Variants in DLG1 observed in about 807,000 individuals in gnomAD.
The protein encoded by DLG1 is disks large homolog 1.
In DLG1, 42 loss-of-function variants were observed where a neutral mutation model predicts 123.4. The observed-to-expected ratio is 0.34, with a 90% CI of 0.27 to 0.44. The LOEUF is 0.44. Ranked by LOEUF, DLG1 falls within the 20% of genes least tolerant of loss-of-function variation. DLG1 has a pLI of 1.00. For synonymous variants in DLG1, 317 were observed against 356.2 expected (o/e 0.89, Z 1.24); for missense variants, 942 against 1,082.6 (o/e 0.87, Z 1.82).
At chr3:197,069,112 G>T (rs1027676014) in intron 19 of DLG1, 107 bp downstream of exon 19, 1 of 614,990 alleles carries the variant, frequency 1.6e-6, no homozygotes, top group Non-Finnish European at 2.6e-6. Flanking sequence ...TTAAAATAAC[G>T]ATCATATAAC....
At position 197,240,594 on chromosome 3, in the gene DLG1, T is replaced by C. The variant is rs771246482; in HGVS notation, c.318+42085A>G. On this transcript the variant is annotated intron_variant, in intron 4 of 24. Coordinates refer to ENST00000667157, the MANE Select transcript of DLG1 (RefSeq NM_001366207.1). ...TGAGCTCTCTGACCAATATTCAAAG[T>C]AGTATTTTTAAGAAAACTCAGTGAT... Among the ~76,000 whole-genome samples the C allele has an allele frequency of 2.1e-4, 32 of 152,132 alleles. 1 individual carries two copies. The highest frequency in any genetic ancestry group is 6.6e-5 in the Admixed American group (1 of 15,264).
chr3:197,296,421 C>A lies in DLG1; in HGVS notation c.76G>T (p.Glu26Ter), dbSNP rs1369759761. The change falls in exon 3 of 25, where the codon GAA becomes TAA. Residue 26 changes from glutamate to a stop codon, truncating the protein, a stop_gained. Transcript: ENST00000667157. LOFTEE classifies it high-confidence loss of function. Reference sequence around the variant, plus strand: ...ATGGAACTTCTGAGCTGTCTGTCTTCAGTTTGGCTTAGTTTTGAACGATAT... The same window carrying A: ...ATGGAACTTCTGAGCTGTCTGTCTTAAGTTTGGCTTAGTTTTGAACGATAT... The part of the protein sequence containing the change: ...EEYRSKLSQT[E>*]DRQLRSSIER... The A allele has an allele frequency of 6.2e-7, 1 of 1,613,434 alleles. No homozygotes were observed. The highest frequency in any genetic ancestry group is 8.5e-7 in the Non-Finnish European group (1 of 1,179,558).
chr3:197,126,762 T>C (rs991348094), intron 11 of DLG1, among the ~76,000 whole-genome samples: 2 of 152,190 alleles, frequency 1.3e-5, no homozygotes, highest in African/African-American at 4.8e-5. Context: ...AAGGAAATAA[T>C]TCAATTATAC....
At chr3:197,257,644 AAAGAAAGACATGATCCTATTAC>A (rs1757448771) in intron 4 of DLG1, among the ~76,000 whole-genome samples, 1 of 152,158 alleles carries the variant, frequency 6.6e-6, no homozygotes, top group African/African-American at 2.4e-5. Flanking sequence ...ACCTGAACTT[AAAGAAAGACATGATCCTATTAC>A]AAGAAATTCT....
chr3:197,283,954 T>C (rs941478376), intron 3 of DLG1, among the ~76,000 whole-genome samples: 1 of 148,142 alleles, frequency 6.8e-6, no homozygotes, highest in Non-Finnish European at 1.5e-5. Context: ...CTCCACCTCC[T>C]GGGTTCATGC....
chr3:197,134,796 G>A (rs1326879811), intron 10 of DLG1, among the ~76,000 whole-genome samples: 1 of 152,208 alleles, frequency 6.6e-6, no homozygotes, highest in Non-Finnish European at 1.5e-5. Flanking sequence ...TTGGGCTTGG[G>A]TGAAGTGTTG....
chr3:197,217,192 C>T (rs530268125), intron 4 of DLG1, among the ~76,000 whole-genome samples: 2 of 152,140 alleles, frequency 1.3e-5, no homozygotes, highest in Non-Finnish European at 2.9e-5. Context: ...TATAGTGATA[C>T]ACCATAATTT....
chr3:197,180,096 T>C (rs536133461), intron 5 of DLG1, among the ~76,000 whole-genome samples: 2 of 146,608 alleles, frequency 1.4e-5, no homozygotes, highest in Admixed American at 1.4e-4. Flanking sequence ...TGAGTATTTA[T>C]AGTGCTCTAT....
At chr3:197,073,652 A>G (rs1366898889) in intron 18 of DLG1, among the ~76,000 whole-genome samples, 2 of 152,220 alleles carry the variant, frequency 1.3e-5, no homozygotes, top group Admixed American at 6.5e-5. Context: ...AGGGAAATCA[A>G]TAATTTATTT....
intron 11 of DLG1, among the ~76,000 whole-genome samples, chr3:197,121,838 A>AAC (rs1553931922): frequency 8.6e-4 from 131 of 151,688 alleles, no homozygotes; most frequent in African/African-American, 3.1e-3. Flanking sequence ...AAAAAAAAAA[A>AAC]AAAAAATCAA....
intron 18 of DLG1, chr3:197,070,565 AT>A (rs57981766): frequency 0.018 from 1,382 of 76,192 alleles, 20 homozygotes; most frequent in Middle Eastern, 0.06. Context: ...TGGAAATTTC[AT>A]TTTTTTTTTT....
chr3:197,089,452 G>A (rs1162231549), intron 15 of DLG1, among the ~76,000 whole-genome samples: 2 of 151,718 alleles, frequency 1.3e-5, no homozygotes, highest in African/African-American at 2.4e-5. Context: ...CCTTGAACCC[G>A]GGAGGTTGAG....
At chr3:197,161,986 CATA>C (rs1480336209) in intron 5 of DLG1, among the ~76,000 whole-genome samples, 1 of 152,036 alleles carries the variant, frequency 6.6e-6, no homozygotes, top group Non-Finnish European at 1.5e-5. Context: ...ATGCTTAAAT[CATA>C]ATAATAAAAG....
At chr3:197,180,023 G>A (rs1258259312) in intron 5 of DLG1, among the ~76,000 whole-genome samples, 2 of 128,754 alleles carry the variant, frequency 1.6e-5, no homozygotes, top group Non-Finnish European at 1.6e-5. Context: ...TAAGAATACA[G>A]CTTTGCTGCT....
chr3:197,223,850 A>C (rs1355927049), intron 4 of DLG1, among the ~76,000 whole-genome samples: 1 of 152,224 alleles, frequency 6.6e-6, no homozygotes, highest in East Asian at 1.9e-4. Flanking sequence ...TTCACCACAA[A>C]GCCTTAATAA....
At chr3:197,287,010 C>T (rs1038122975) in intron 3 of DLG1, among the ~76,000 whole-genome samples, 5 of 151,756 alleles carry the variant, frequency 3.3e-5, no homozygotes, top group African/African-American at 7.3e-5. Flanking sequence ...GCAGCTGGGA[C>T]GACAGGTGCA....
chr3:197,044,773 A>AT, intron 24 of DLG1, 44 bp from the exon 25 acceptor site: 1 of 1,247,876 alleles, frequency 8.0e-7, no homozygotes, highest in Non-Finnish European at 1.1e-6. Flanking sequence ...TTAATTGTCT[A>AT]TTTTTGCCAT....
chr3:197,239,500 C>T (rs1747749529), intron 4 of DLG1, among the ~76,000 whole-genome samples: 1 of 152,048 alleles, frequency 6.6e-6, no homozygotes. Context: ...CTACCAAATA[C>T]CAAGGCCAAA....
chr3:197,101,725 CTT>C (rs1030849373), intron 14 of DLG1, among the ~76,000 whole-genome samples: 1 of 151,956 alleles, frequency 6.6e-6, no homozygotes, highest in Non-Finnish European at 1.5e-5. Context: ...TGTGATAAAA[CTT>C]TATAACTTTG....
Sources: allele counts gnomAD v4.1 joint callset (sites outside exome capture counted in the v4.1 genomes callset), GRCh38; gene constraint gnomAD v4.1.1; transcripts MANE v1.5; gene names NCBI Gene and HGNC (gene_info 2026-07-23, HGNC 2026-07-21).